Variants in SLC25A13 observed in about 807,000 individuals in gnomAD.
SLC25A13 encodes the protein electrogenic aspartate/glutamate antiporter SLC25A13, mitochondrial.
In SLC25A13, 70 loss-of-function variants were observed where a neutral mutation model predicts 85.5. That is an observed-to-expected ratio of 0.82 (90% CI 0.68 to 1.00). The LOEUF is 1.00. Ranked by LOEUF, SLC25A13 falls within the 50% of genes least tolerant of loss-of-function variation. SLC25A13 has a pLI of 0.00. For synonymous variants in SLC25A13, 259 were observed against 288.7 expected (o/e 0.90, Z 1.04); for missense variants, 765 against 819.8 (o/e 0.93, Z 0.82).
intron 3 of SLC25A13, among the ~76,000 whole-genome samples, chr7:96,267,415 A>G (rs1249830658): frequency 6.6e-6 from 1 of 152,218 alleles, no homozygotes; most frequent in Non-Finnish European, 1.5e-5. Flanking sequence ...ACATATTTCT[A>G]AACTTTAGAT....
At chr7:96,184,527 A>G in intron 10 of SLC25A13, 92 bp from the exon 11 acceptor site, 1 of 1,209,744 alleles carries the variant, frequency 8.3e-7, no homozygotes, top group Admixed American at 2.0e-5. Context: ...GACTGAGAAA[A>G]GAAATGTGTT....
intron 14 of SLC25A13, among the ~76,000 whole-genome samples, chr7:96,137,770 G>A (rs996581489): frequency 1.2e-4 from 18 of 152,172 alleles, no homozygotes; most frequent in Admixed American, 3.3e-4. Flanking sequence ...GACTACAGGC[G>A]TGCGCCACCA....
intron 9 of SLC25A13, among the ~76,000 whole-genome samples, chr7:96,185,930 A>C (rs1794626167): frequency 6.6e-6 from 1 of 152,022 alleles, no homozygotes; most frequent in African/African-American, 2.4e-5. Context: ...TAAATAAAGC[A>C]AATAAAAACA....
intron 4 of SLC25A13, among the ~76,000 whole-genome samples, chr7:96,220,412 C>T (rs961505544): frequency 1.3e-4 from 20 of 152,174 alleles, no homozygotes; most frequent in African/African-American, 4.6e-4. Flanking sequence ...TATCCACCCC[C>T]AACATATACC....
intron 11 of SLC25A13, among the ~76,000 whole-genome samples, chr7:96,174,462 A>C (rs1031595339): frequency 6.6e-6 from 1 of 152,264 alleles, no homozygotes; most frequent in African/African-American, 2.4e-5. Flanking sequence ...ACCTAATAAA[A>C]GTACAACATT....
At chr7:96,232,648 GAA>G (rs34636842) in intron 4 of SLC25A13, among the ~76,000 whole-genome samples, 47,097 of 131,612 alleles carry the variant, frequency 0.36, 7,517 homozygotes, top group East Asian at 0.55. Context: ...AAAGAAAAAT[GAA>G]AAAAAAAAAA....
chr7:96,246,488 G>GAACA (rs61235686), intron 3 of SLC25A13, among the ~76,000 whole-genome samples: 99,263 of 151,538 alleles, frequency 0.66, 32,746 homozygotes, highest in African/African-American at 0.71. Flanking sequence ...AAAGTGACAA[G>GAACA]AACATGCTAT....
At chr7:96,313,670 C>T (rs1290539375) in intron 1 of SLC25A13, among the ~76,000 whole-genome samples, 1 of 152,114 alleles carries the variant, frequency 6.6e-6, no homozygotes, top group Non-Finnish European at 1.5e-5. Flanking sequence ...ATGCTCAGTA[C>T]CTGGGTGATG....
At chr7:96,259,866 A>G (rs2116891140) in intron 3 of SLC25A13, among the ~76,000 whole-genome samples, 1 of 152,302 alleles carries the variant, frequency 6.6e-6, no homozygotes, top group African/African-American at 2.4e-5. Context: ...ATAGAATACT[A>G]TGCAGCCACA....
intron 3 of SLC25A13, among the ~76,000 whole-genome samples, chr7:96,256,506 C>T (rs996472884): frequency 6.6e-6 from 1 of 152,110 alleles, no homozygotes; most frequent in South Asian, 2.1e-4. Context: ...ATCAATCCGA[C>T]AAGAAGAGCT....
At chr7:96,237,447 A>G (rs1479964894) in intron 3 of SLC25A13, among the ~76,000 whole-genome samples, 1 of 152,224 alleles carries the variant, frequency 6.6e-6, no homozygotes. Context: ...AAAGACTGGC[A>G]AGAGCGAGAT....
intron 3 of SLC25A13, among the ~76,000 whole-genome samples, chr7:96,247,374 A>G (rs1242093239): frequency 1.3e-5 from 2 of 152,272 alleles, no homozygotes; most frequent in South Asian, 2.1e-4. Context: ...AAAAGTGCCC[A>G]TGTGTTGATT....
intron 4 of SLC25A13, 39 bp downstream of exon 4, chr7:96,234,763 C>T (rs1796682900): frequency 6.8e-7 from 1 of 1,476,284 alleles, no homozygotes; most frequent in Non-Finnish European, 9.5e-7. Flanking sequence ...TCACACAAGT[C>T]CACACTTACA....
At chr7:96,279,952 G>A (rs138714765) in intron 2 of SLC25A13, among the ~76,000 whole-genome samples, 334 of 152,252 alleles carry the variant, frequency 2.2e-3, no homozygotes, top group Non-Finnish European at 3.1e-3. Flanking sequence ...AGGGAAAGGC[G>A]TGACAAAATG....
chr7:96,129,672 C>G (rs1791933237), intron 15 of SLC25A13, among the ~76,000 whole-genome samples: 1 of 152,176 alleles, frequency 6.6e-6, no homozygotes, highest in East Asian at 1.9e-4. Context: ...CTATTTTAAT[C>G]TTTTCATCTA....
At chr7:96,298,568 G>C (rs1315129011) in intron 1 of SLC25A13, among the ~76,000 whole-genome samples, 3 of 152,020 alleles carry the variant, frequency 2.0e-5, no homozygotes, top group South Asian at 4.1e-4. Context: ...CAAGTAGTTG[G>C]GATTATAGGC....
Position 96,288,338 on chromosome 7 carries a change from G to A in SLC25A13, c.69+8560C>T, listed in dbSNP as rs186607050. 2.9e-3 allele frequency among the ~76,000 whole-genome samples: 443 copies of A among 152,304 alleles called. 1 individual carries two copies. The highest frequency in any genetic ancestry group is 9.7e-3 in the African/African-American group (404 of 41,558). On this transcript the variant is annotated intron_variant, in intron 2 of 17. Transcript: ENST00000265631. ...ACAGCTCCAGTCTACAGCTCCCAGCGTGAGCGATGCAGAAGACAGGTGATT... is the reference window on the plus strand; with the variant it reads ...ACAGCTCCAGTCTACAGCTCCCAGCATGAGCGATGCAGAAGACAGGTGATT...
chr7:96,184,844 C>T, intron 10 of SLC25A13, 83 bp downstream of exon 10: 1 of 1,185,290 alleles, frequency 8.4e-7, no homozygotes, highest in Non-Finnish European at 1.3e-6. Context: ...AAGACTTTGT[C>T]CTTTAACATT....
chr7:96,148,296 C>T (rs1416666662), intron 13 of SLC25A13, among the ~76,000 whole-genome samples: 1 of 152,182 alleles, frequency 6.6e-6, no homozygotes, highest in Non-Finnish European at 1.5e-5. Context: ...CACACAAAGA[C>T]GTGCTGCTCC....
Sources: gnomAD v4.1 joint callset for allele counts (sites outside exome capture counted in the v4.1 genomes callset) on GRCh38, gnomAD v4.1.1 for gene constraint, MANE v1.5 for transcripts, NCBI Gene and HGNC (gene_info 2026-07-23, HGNC 2026-07-21) for gene names.